Variants in CDH12 observed in about 807,000 individuals in gnomAD.
CDH12 encodes cadherin 12.
A neutral mutation model predicts 74.1 loss-of-function variants in CDH12; 41 were observed. The ratio of observed to expected loss-of-function variants is 0.55; its 90% CI spans 0.43 to 0.72. The LOEUF is 0.72. Among genes scored for constraint, CDH12 ranks in the 30% least tolerant of loss-of-function variants. The probability of loss-of-function intolerance (pLI) is 0.00; values close to 1 mark genes in which losing one functional copy is unlikely to be tolerated. For synonymous variants in CDH12, 399 were observed against 355.0 expected (o/e 1.12, Z -1.39); for missense variants, 945 against 977.2 (o/e 0.97, Z 0.44).
chr5:21,984,414 T>C (rs1433928038), intron 5 of CDH12, among the ~76,000 whole-genome samples: 3 of 152,194 alleles, frequency 2.0e-5, no homozygotes, highest in Non-Finnish European at 4.4e-5. Context: ...CTCTGTGTTT[T>C]TCCTGGCAAA....
chr5:21,779,213 C>T (rs1386243122), intron 11 of CDH12: 5 of 151,832 alleles, frequency 3.3e-5, no homozygotes, highest in Non-Finnish European at 7.4e-5. Context: ...TATTTATTCA[C>T]TTTCTTTTTC....
chr5:22,121,758 T>C (rs114725645), intron 4 of CDH12, among the ~76,000 whole-genome samples: 10 of 152,148 alleles, frequency 6.6e-5, no homozygotes, highest in Non-Finnish European at 1.0e-4. Context: ...GTCTTTAGTA[T>C]ATAGCTACAA....
intron 1 of CDH12, among the ~76,000 whole-genome samples, chr5:22,636,325 C>T (rs1303368625): frequency 1.3e-5 from 2 of 152,046 alleles, no homozygotes; most frequent in African/African-American, 2.4e-5. Flanking sequence ...AGTGTACATG[C>T]AAGAGACATG....
chr5:21,757,402 C>G (rs367745205), intron 13 of CDH12, among the ~76,000 whole-genome samples: 5 of 152,156 alleles, frequency 3.3e-5, no homozygotes, highest in East Asian at 3.9e-4. Context: ...TCTCGAACTT[C>G]TGACCTCAGG....
At chr5:22,808,533 G>A (rs1222619185) in intron 1 of CDH12, among the ~76,000 whole-genome samples, 1 of 151,264 alleles carries the variant, frequency 6.6e-6, no homozygotes, top group Non-Finnish European at 1.5e-5. Flanking sequence ...TAGGAGTAAA[G>A]ACAACAGCCT....
At chr5:22,830,649 A>C (rs1736559658) in intron 1 of CDH12, among the ~76,000 whole-genome samples, 1 of 151,728 alleles carries the variant, frequency 6.6e-6, no homozygotes, top group African/African-American at 2.4e-5. Context: ...GTTTCTAATT[A>C]TTTTCTGATT....
At chr5:22,625,867 T>G (rs1451523058) in intron 1 of CDH12, among the ~76,000 whole-genome samples, 1 of 152,182 alleles carries the variant, frequency 6.6e-6, no homozygotes, top group East Asian at 1.9e-4. Flanking sequence ...CCCCCCACAG[T>G]AGCCTTCCCC....
chr5:22,269,164 G>T (rs1736269207), intron 3 of CDH12, among the ~76,000 whole-genome samples: 1 of 152,098 alleles, frequency 6.6e-6, no homozygotes, highest in Non-Finnish European at 1.5e-5. Context: ...TCTTGACAAA[G>T]AATATGTGTT....
chr5:22,630,276 T>C (rs576407827), intron 1 of CDH12, among the ~76,000 whole-genome samples: 1 of 152,206 alleles, frequency 6.6e-6, no homozygotes, highest in African/African-American at 2.4e-5. Flanking sequence ...AAAATTCATA[T>C]GGAACCAAAA....
chr5:22,341,482 T>C (rs1375542004), intron 3 of CDH12, among the ~76,000 whole-genome samples: 3 of 152,156 alleles, frequency 2.0e-5, no homozygotes, highest in Non-Finnish European at 4.4e-5. Flanking sequence ...CATAAAAAGA[T>C]ATGAAAGACA....
intron 1 of CDH12, among the ~76,000 whole-genome samples, chr5:22,817,754 G>T (rs564512660): frequency 6.6e-6 from 1 of 152,260 alleles, no homozygotes; most frequent in Admixed American, 6.5e-5. Context: ...GGCAAGAGCT[G>T]TTAAAAGTAA....
At chr5:22,326,116 C>CT in intron 3 of CDH12, among the ~76,000 whole-genome samples, 1 of 152,286 alleles carries the variant, frequency 6.6e-6, no homozygotes, top group Non-Finnish European at 1.5e-5. Flanking sequence ...TTAAGAATAG[C>CT]TTTTCCCCCG....
chr5:21,987,727 A>G (rs896251660), intron 5 of CDH12, among the ~76,000 whole-genome samples: 1 of 151,396 alleles, frequency 6.6e-6, no homozygotes, highest in Non-Finnish European at 1.5e-5. Context: ...TAAGTCAAAC[A>G]TTTTTGCCAT....
chr5:22,730,337 T>C (rs1744369833), intron 1 of CDH12, among the ~76,000 whole-genome samples: 1 of 151,746 alleles, frequency 6.6e-6, no homozygotes, highest in South Asian at 2.1e-4. Context: ...CAAAACAAAT[T>C]GTTTTGCCCC....
chr5:22,126,715 A>G (rs1166889856), intron 4 of CDH12, among the ~76,000 whole-genome samples: 1 of 152,190 alleles, frequency 6.6e-6, no homozygotes, highest in Non-Finnish European at 1.5e-5. Flanking sequence ...ACAGTTGCAG[A>G]GTCTCTCATC....
At chr5:22,444,726 A>T (rs1407217561) in intron 2 of CDH12, among the ~76,000 whole-genome samples, 2 of 152,070 alleles carry the variant, frequency 1.3e-5, no homozygotes, top group Non-Finnish European at 2.9e-5. Context: ...ACAGAAACAC[A>T]TTACTGAAAA....
chr5:21,832,927 TCA>T (rs1164696849), intron 8 of CDH12, among the ~76,000 whole-genome samples: 3 of 68,968 alleles, frequency 4.3e-5, no homozygotes, highest in African/African-American at 2.2e-4. Context: ...TTAATATATA[TCA>T]TATATTATAT....
At chr5:21,903,716 C>T (rs144028047) in intron 6 of CDH12, among the ~76,000 whole-genome samples, 263 of 151,516 alleles carry the variant, frequency 1.7e-3, no homozygotes, top group African/African-American at 5.9e-3. Context: ...TTGGATCAGC[C>T]GAGAGAAAAA....
chr5:21,806,310 C>A (rs939812441), intron 9 of CDH12, among the ~76,000 whole-genome samples: 11 of 152,144 alleles, frequency 7.2e-5, no homozygotes, highest in African/African-American at 2.7e-4. Flanking sequence ...TTAACGTGGG[C>A]AGGTCTTTTC....
Sources: gnomAD v4.1 joint callset for allele counts (sites outside exome capture counted in the v4.1 genomes callset) on GRCh38, gnomAD v4.1.1 for gene constraint, MANE v1.5 for transcripts, NCBI Gene and HGNC (gene_info 2026-07-23, HGNC 2026-07-21) for gene names.